The following ANKS1A variants were observed in gnomAD, a reference collection of about 807,000 sequenced individuals.
ANKS1A encodes ankyrin repeat and sterile alpha motif domain containing 1A, also known as ankyrin repeat and SAM domain-containing protein 1A.
A neutral mutation model predicts 120.3 loss-of-function variants in ANKS1A; 55 were observed. That is an observed-to-expected ratio of 0.46 (90% CI 0.37 to 0.57). The LOEUF (loss-of-function observed/expected upper bound fraction) is 0.57. Ranked by LOEUF, ANKS1A falls within the 20% of genes least tolerant of loss-of-function variation. The pLI is 0.00. For missense variants in ANKS1A, 1,123 were observed against 1,480.3 expected, an observed-to-expected ratio of 0.76 and a Z score of 3.96; for synonymous variants, 590 against 604.7, an observed-to-expected ratio of 0.98 and a Z score of 0.36.
chr6:34,941,973 T>C (rs1581725309), intron 1 of ANKS1A, among the ~76,000 whole-genome samples: 1 of 152,218 alleles, frequency 6.6e-6, no homozygotes, highest in East Asian at 1.9e-4. Context: ...GTGATGCTAT[T>C]AATTAGAGGT....
intron 11 of ANKS1A, among the ~76,000 whole-genome samples, chr6:35,041,104 A>G (rs2127577389): frequency 1.3e-5 from 2 of 152,362 alleles, no homozygotes; most frequent in Middle Eastern, 3.4e-3. Context: ...AAGTTATGAG[A>G]AATACTAAAA....
chr6:35,079,422 C>T (rs1027322963), intron 14 of ANKS1A, 94 bp from the exon 15 acceptor site: 2 of 1,520,002 alleles, frequency 1.3e-6, no homozygotes, highest in Admixed American at 3.8e-5. Context: ...GGCCCCCTGG[C>T]CACAGTCTGT....
chr6:34,928,349 C>T (rs2127471429), intron 1 of ANKS1A, among the ~76,000 whole-genome samples: 2 of 152,258 alleles, frequency 1.3e-5, no homozygotes, highest in South Asian at 4.1e-4. Flanking sequence ...GCTTCATGCT[C>T]AGAATCACCC....
chr6:34,912,900 C>T (rs1767973545), intron 1 of ANKS1A, among the ~76,000 whole-genome samples: 1 of 152,150 alleles, frequency 6.6e-6, no homozygotes, highest in East Asian at 1.9e-4. Flanking sequence ...GTTCTGCTGG[C>T]TGTGTGTGTA....
intron 16 of ANKS1A, among the ~76,000 whole-genome samples, chr6:35,080,664 G>A (rs1297520359): frequency 1.3e-5 from 2 of 152,220 alleles, no homozygotes; most frequent in Non-Finnish European, 2.9e-5. Flanking sequence ...TGTTGGGGAC[G>A]GTGGCTTTAG....
At chr6:34,948,318 T>C (rs1769905719) in intron 1 of ANKS1A, among the ~76,000 whole-genome samples, 1 of 152,176 alleles carries the variant, frequency 6.6e-6, no homozygotes, top group Non-Finnish European at 1.5e-5. Context: ...TTGATCTGTA[T>C]AACCTGTAAG....
intron 1 of ANKS1A, among the ~76,000 whole-genome samples, chr6:34,895,955 G>A (rs778087600): frequency 3.5e-4 from 53 of 151,480 alleles, no homozygotes; most frequent in Admixed American, 5.9e-4. Context: ...TAGTAGGGAC[G>A]GGATTTCACT....
intron 1 of ANKS1A, among the ~76,000 whole-genome samples, chr6:34,894,528 T>G (rs1387803285): frequency 6.6e-6 from 1 of 152,150 alleles, no homozygotes; most frequent in East Asian, 1.9e-4. Flanking sequence ...GGTGTGCACC[T>G]GTAGTCCCAG....
chr6:34,926,943 G>A (rs1768747274), intron 1 of ANKS1A, among the ~76,000 whole-genome samples: 1 of 152,178 alleles, frequency 6.6e-6, no homozygotes, highest in South Asian at 2.1e-4. Flanking sequence ...GTGGTTAGGT[G>A]TGTGGCTCTG....
intron 10 of ANKS1A, among the ~76,000 whole-genome samples, chr6:35,016,181 C>G (rs751615993): frequency 7.2e-5 from 11 of 152,322 alleles, no homozygotes; most frequent in Non-Finnish European, 1.5e-4. Context: ...AACAGCTCAG[C>G]CAGGACCAGA....
rs1266199272 is a variant in ANKS1A at position 34,890,317 on chromosome 6, C to G, written c.197+718C>G. On this transcript the variant is annotated intron_variant, in intron 1 of 23. Coordinates refer to ENST00000360359, the MANE Select transcript of ANKS1A (RefSeq NM_015245.3). ...ATATTGGCCAGGCTGGTCTCGAACT[C>G]TTGACCTCAGGAACCGCCCGCCTCG... Among the ~76,000 whole-genome samples, 3 of 152,192 alleles carry G rather than the reference C, an allele frequency of 2.0e-5. No individual in the cohort carries two copies. The South Asian group carries it at 6.2e-4, about 32-fold the overall frequency.
chr6:34,999,573 G>A (rs973108624), intron 10 of ANKS1A, among the ~76,000 whole-genome samples: 1 of 152,186 alleles, frequency 6.6e-6, no homozygotes, highest in Non-Finnish European at 1.5e-5. Context: ...GGAGATTACG[G>A]TGTTACTATG....
At chr6:34,991,531 A>AAG (rs1366066580) in intron 9 of ANKS1A, among the ~76,000 whole-genome samples, 3 of 116,442 alleles carry the variant, frequency 2.6e-5, no homozygotes, top group Middle Eastern at 4.1e-3. Context: ...GCCGGGAAAA[A>AAG]AAAAATATAT....
intron 13 of ANKS1A, among the ~76,000 whole-genome samples, chr6:35,065,276 G>C (rs1776715420): frequency 6.6e-6 from 1 of 152,098 alleles, no homozygotes; most frequent in Non-Finnish European, 1.5e-5. Flanking sequence ...TCACTCAGGA[G>C]CCCTCCTCTG....
Position 35,084,056 on chromosome 6 carries a change from TGGGG to T in ANKS1A, c.2995-64_2995-61del. 6.3e-7 allele frequency: 1 copy of T among 1,598,650 alleles called. No individual in the cohort carries two copies. Among genetic ancestry groups the T allele is most frequent in the Non-Finnish European group, 8.5e-7 (1 of 1,170,732 alleles). On this transcript the variant is annotated intron_variant, in intron 20 of 23. Transcript: ENST00000360359. This position sits in a 1 kb window ranked among gnomAD's most constrained non-coding sequence, Gnocchi z 4.8. ...GAGAACAGTGACAATGGTAACAGGC[TGGGG>T]CAGGGGGTGCCAGAGGCATGCCTGA...
In ANKS1A at chr6:34,932,466, T is replaced by C. The variant is rs542883909; in HGVS notation, c.198-34773T>C. 4.0e-5 allele frequency among the ~76,000 whole-genome samples: 6 copies of C among 151,648 alleles called. No individual in the cohort carries two copies. The South Asian group carries it at 1.3e-3, about 32-fold the overall frequency. On this transcript the variant is annotated intron_variant, in intron 1 of 23. Coordinates refer to ENST00000360359, the MANE Select transcript of ANKS1A (RefSeq NM_015245.3). ...GTGGTGCGATCTTGACTCACTGCAA[T>C]CTCCGCCTCCCAAGTTCAAGAGATT...
chr6:35,085,297 T>C lies in ANKS1A; in HGVS notation c.3133-469T>C, dbSNP rs1371657117. Among the ~76,000 whole-genome samples, 1 of 152,216 alleles carries C rather than the reference T, an allele frequency of 6.6e-6. No individual in the cohort carries two copies. Among genetic ancestry groups the C allele is most frequent in the Non-Finnish European group, 1.5e-5 (1 of 68,044 alleles). Reference sequence around the variant, plus strand: ...GCTGACTTTTCCCACATACACTCAGTTCTGCTGTAACGCCACACATACGCT... The same window carrying C: ...GCTGACTTTTCCCACATACACTCAGCTCTGCTGTAACGCCACACATACGCT... On this transcript the variant is annotated intron_variant, in intron 21 of 23. Transcript: ENST00000360359. The surrounding 1 kb of genome is among the most constrained non-coding windows in gnomAD (Gnocchi z 4.7).
chr6:35,068,789 T>A (rs1322378907), intron 13 of ANKS1A, among the ~76,000 whole-genome samples: 1 of 152,130 alleles, frequency 6.6e-6, no homozygotes, highest in East Asian at 1.9e-4. Context: ...GAGTTTCCTG[T>A]GACTGATGGG....
chr6:34,971,648 T>C (rs1273467076), intron 3 of ANKS1A, among the ~76,000 whole-genome samples: 1 of 152,172 alleles, frequency 6.6e-6, no homozygotes, highest in African/African-American at 2.4e-5. Flanking sequence ...GATCAAAGTT[T>C]TCCCTCAAAA....
Sources: gnomAD v4.1 joint callset for allele counts (sites outside exome capture counted in the v4.1 genomes callset) on GRCh38, gnomAD v4.1.1 for gene constraint, Gnocchi (gnomAD v3.1) non-coding constraint, MANE v1.5 for transcripts, NCBI Gene and HGNC (gene_info 2026-07-23, HGNC 2026-07-21) for gene names.